Variants in SPECC1 observed in about 807,000 individuals in gnomAD.
The protein encoded by SPECC1 is cytospin-B.
In SPECC1, 62 loss-of-function variants were observed where a neutral mutation model predicts 104.1. That is an observed-to-expected ratio of 0.60 (90% CI 0.49 to 0.74). The LOEUF (loss-of-function observed/expected upper bound fraction) is 0.74, where lower values mean the gene tolerates loss of function less well. Ranked by LOEUF, SPECC1 falls within the 30% of genes least tolerant of loss-of-function variation. The pLI is 0.00. For missense variants in SPECC1, 1,306 were observed against 1,310.5 expected, an observed-to-expected ratio of 1.00 and a Z score of 0.05; for synonymous variants, 513 against 501.6, an observed-to-expected ratio of 1.02 and a Z score of -0.30.
At chr17:20,293,014 G>A (rs1449872522) in intron 12 of SPECC1, among the ~76,000 whole-genome samples, 2 of 152,150 alleles carry the variant, frequency 1.3e-5, no homozygotes, top group Admixed American at 6.5e-5. Flanking sequence ...CTGAGAAGAG[G>A]TTTGCTGGGA....
intron 13 of SPECC1, among the ~76,000 whole-genome samples, chr17:20,304,546 T>C (rs1325351713): frequency 6.6e-6 from 1 of 152,128 alleles, no homozygotes; most frequent in African/African-American, 2.4e-5. Flanking sequence ...ATTAACATTC[T>C]AAGGGGAAAT....
chr17:20,018,312 G>C lies in SPECC1; in HGVS notation c.-22+8888G>C, dbSNP rs372769478. 2.8e-4 allele frequency among the ~76,000 whole-genome samples: 43 copies of C among 152,256 alleles called. No homozygotes were observed. The East Asian group carries it at 6.9e-3, about 25-fold the overall frequency. The stretch of plus-strand genomic sequence containing the variant: ...TGGCCATCGGCACTCTTGTTTTCCA[G>C]GTTTCTTTTGATTTAGTGTTTTAAA... On this transcript the variant is annotated intron_variant, in intron 1 of 14. Transcript: ENST00000395527.
rs151287399 is a variant in SPECC1 at position 20,112,540 on chromosome 17, C to A, written c.283+1978C>A. 5.1e-4 allele frequency: 397 copies of A among 779,854 alleles called. 1 individual carries two copies. The African/African-American group carries it at 6.0e-3, about 12-fold the overall frequency. 48.3% of individuals were successfully genotyped at this position (779,854 alleles called of 1,614,324 possible). Reference sequence around the variant, plus strand: ...ATTTGGACCTTTGAAACATTAACTTCAAAATGGCCAGTTTAAGCCGCTGCA... The same window carrying A: ...ATTTGGACCTTTGAAACATTAACTTAAAAATGGCCAGTTTAAGCCGCTGCA... On this transcript the variant is annotated intron_variant, in intron 3 of 14. Coordinates refer to ENST00000395527, the MANE Select transcript of SPECC1 (RefSeq NM_001243439.2).
chr17:20,183,074 T>G (rs890198934), intron 3 of SPECC1, among the ~76,000 whole-genome samples: 2 of 151,978 alleles, frequency 1.3e-5, no homozygotes, highest in Non-Finnish European at 2.9e-5. Flanking sequence ...CCAAAAGAGG[T>G]GGCGGTAGAG....
At chr17:20,178,181 C>T (rs972458334) in intron 3 of SPECC1, among the ~76,000 whole-genome samples, 3 of 152,178 alleles carry the variant, frequency 2.0e-5, no homozygotes, top group African/African-American at 4.8e-5. Flanking sequence ...CCACCACTCC[C>T]GACTCCTCTC....
rs544846104 is a variant in SPECC1, at chr17:20,116,926, G to C, written c.283+6364G>C. Among the ~76,000 whole-genome samples, 21 of 150,724 alleles carry C rather than the reference G, an allele frequency of 1.4e-4. No individual in the cohort carries two copies. The South Asian group carries it at 4.4e-3, about 32-fold the overall frequency. ...GATGCGCAGGACCGTCCCTGCAGTG[G>C]AGAGTGTCCTGCCCAAAAATGTCAA... On this transcript the variant is annotated intron_variant, in intron 3 of 14. Coordinates refer to ENST00000395527, the MANE Select transcript of SPECC1 (RefSeq NM_001243439.2).
At chr17:20,051,296 C>T (rs537875841) in intron 1 of SPECC1, among the ~76,000 whole-genome samples, 1 of 152,090 alleles carries the variant, frequency 6.6e-6, no homozygotes, top group South Asian at 2.1e-4. Flanking sequence ...CTGACTCAGC[C>T]TCCTGAGTAG....
At chr17:20,252,297 G>A (rs2039662925) in intron 9 of SPECC1, among the ~76,000 whole-genome samples, 1 of 151,876 alleles carries the variant, frequency 6.6e-6, no homozygotes, top group Non-Finnish European at 1.5e-5. Flanking sequence ...TCAGATTCAG[G>A]GTGTACATGT....
chr17:20,304,038 G>C (rs545922867), intron 13 of SPECC1, among the ~76,000 whole-genome samples: 1 of 148,550 alleles, frequency 6.7e-6, no homozygotes, highest in Non-Finnish European at 1.5e-5. Context: ...TTGGGAGGCT[G>C]AGGTAGGCAG....
intron 3 of SPECC1, among the ~76,000 whole-genome samples, chr17:20,119,171 GAAATT>G (rs1268060269): frequency 6.6e-6 from 1 of 152,220 alleles, no homozygotes; most frequent in African/African-American, 2.4e-5. Context: ...TCATTTAAGT[GAAATT>G]AAATTATTTG....
intron 12 of SPECC1, among the ~76,000 whole-genome samples, chr17:20,279,854 A>AGAG (rs1401827908): frequency 6.6e-6 from 1 of 152,156 alleles, no homozygotes. Flanking sequence ...TGGGATATGG[A>AGAG]GAGGAGAAGG....
intron 3 of SPECC1, among the ~76,000 whole-genome samples, chr17:20,169,476 C>T (rs563077360): frequency 4.7e-4 from 72 of 151,764 alleles, no homozygotes; most frequent in Non-Finnish European, 6.8e-4. Context: ...ATTTAAATAT[C>T]TTCACCTTAC....
chr17:20,312,149 C>T (rs1460515090), intron 14 of SPECC1, among the ~76,000 whole-genome samples: 3 of 152,140 alleles, frequency 2.0e-5, no homozygotes, highest in Non-Finnish European at 4.4e-5. Context: ...ATTATTCTCT[C>T]CTCTTCCATT....
intron 9 of SPECC1, among the ~76,000 whole-genome samples, chr17:20,248,972 A>G (rs1043741224): frequency 2.6e-5 from 4 of 152,336 alleles, no homozygotes; most frequent in East Asian, 3.9e-4. Context: ...CTTAAAACCC[A>G]TAGAAACATG....
chr17:20,179,846 G>A (rs761555476), intron 3 of SPECC1, among the ~76,000 whole-genome samples: 2 of 152,150 alleles, frequency 1.3e-5, no homozygotes, highest in African/African-American at 2.4e-5. Context: ...ATATTAACAC[G>A]GCTGAAGATT....
rs59699073 is a variant in SPECC1 at position 20,112,236 on chromosome 17, G to A, written c.283+1674G>A. 1,829 of 763,528 alleles carry A rather than the reference G, an allele frequency of 2.4e-3. 10 individuals are homozygous for A. Among genetic ancestry groups the A allele is most frequent in the African/African-American group, 0.022 (1,292 of 58,798 alleles). The allele number at this position is 763,528 out of a possible 1,614,324, so 47.3% of individuals were successfully genotyped here. A position where few individuals can be genotyped will look rare whatever the true frequency, so the allele number is the denominator to read the frequency against. On this transcript the variant is annotated intron_variant, in intron 3 of 14. Coordinates refer to ENST00000395527, the MANE Select transcript of SPECC1 (RefSeq NM_001243439.2). Reference sequence around the variant, plus strand: ...AGATCACAGAGGAGCTTTCTTAATTGACCGAAGTCCTGAGTACTTTGAACC... The same window carrying A: ...AGATCACAGAGGAGCTTTCTTAATTAACCGAAGTCCTGAGTACTTTGAACC...
chr17:20,269,685 T>G (rs1270741158), intron 12 of SPECC1, among the ~76,000 whole-genome samples: 1 of 152,212 alleles, frequency 6.6e-6, no homozygotes, highest in Non-Finnish European at 1.5e-5. Flanking sequence ...GTTGGCAGCA[T>G]TTCACACGTG....
chr17:20,252,097 G>T (rs1378976379), intron 9 of SPECC1, among the ~76,000 whole-genome samples: 2 of 152,026 alleles, frequency 1.3e-5, no homozygotes, highest in Non-Finnish European at 2.9e-5. Flanking sequence ...AAAACAGAGG[G>T]TGTTTTTCAA....
chr17:20,171,720 T>C (rs1464036287), intron 3 of SPECC1, among the ~76,000 whole-genome samples: 1 of 152,044 alleles, frequency 6.6e-6, no homozygotes, highest in Non-Finnish European at 1.5e-5. Flanking sequence ...GCTAATTTTT[T>C]TAAATTTTTA....
Sources: gnomAD v4.1 joint callset for allele counts (sites outside exome capture counted in the v4.1 genomes callset) on GRCh38, gnomAD v4.1.1 for gene constraint, MANE v1.5 for transcripts, NCBI Gene and HGNC (gene_info 2026-07-23, HGNC 2026-07-21) for gene names.